Variants in PTPN5 observed in about 807,000 individuals in gnomAD.
PTPN5 encodes the protein tyrosine-protein phosphatase non-receptor type 5.
Under a neutral mutation model 73.9 loss-of-function variants are expected in PTPN5, and 29 were observed. The ratio of observed to expected loss-of-function variants is 0.39; its 90% CI spans 0.29 to 0.54. The LOEUF (loss-of-function observed/expected upper bound fraction) is 0.54. Among genes scored for constraint, PTPN5 ranks in the 20% least tolerant of loss-of-function variants. The probability of loss-of-function intolerance (pLI) is 0.65; values close to 1 mark genes in which losing one functional copy is unlikely to be tolerated. For missense variants in PTPN5, 652 were observed against 751.4 expected (o/e 0.87, Z 1.55); for synonymous variants, 267 against 304.7 (o/e 0.88, Z 1.29).
At chr11:18,751,742 C>T (rs1057006869) in intron 3 of PTPN5, among the ~76,000 whole-genome samples, 9 of 152,232 alleles carry the variant, frequency 5.9e-5, no homozygotes, top group African/African-American at 2.2e-4. Flanking sequence ...GTGCTCACCA[C>T]TTATCAGCTA....
intron 1 of PTPN5, among the ~76,000 whole-genome samples, chr11:18,786,195 G>T (rs534719065): frequency 0.013 from 1,510 of 113,790 alleles, 23 homozygotes; most frequent in African/African-American, 0.047. Context: ...AGAATGGGGG[G>T]AATCTATTTT....
At chr11:18,748,867 C>G (rs1160938568) in intron 3 of PTPN5, among the ~76,000 whole-genome samples, 1 of 152,190 alleles carries the variant, frequency 6.6e-6, no homozygotes, top group Admixed American at 6.5e-5. Context: ...ACGGGCTAGG[C>G]TCTGGGGACA....
chr11:18,768,041 C>A (rs1407687001), intron 2 of PTPN5, among the ~76,000 whole-genome samples: 1 of 152,230 alleles, frequency 6.6e-6, no homozygotes, highest in Non-Finnish European at 1.5e-5. Flanking sequence ...AAGGCAGGGT[C>A]CACTATTTCT....
At chr11:18,756,719 G>A (rs1480009644) in intron 3 of PTPN5, among the ~76,000 whole-genome samples, 1 of 151,742 alleles carries the variant, frequency 6.6e-6, no homozygotes, top group Non-Finnish European at 1.5e-5. Flanking sequence ...TCAGGAGATC[G>A]AGACCACCCC....
intron 3 of PTPN5, among the ~76,000 whole-genome samples, chr11:18,754,106 C>A (rs1292915305): frequency 6.6e-6 from 1 of 152,170 alleles, no homozygotes; most frequent in African/African-American, 2.4e-5. Context: ...CTGGAGATAA[C>A]AGGACCATGC....
chr11:18,766,003 C>T, intron 2 of PTPN5, 120 bp from the exon 3 acceptor site: 2 of 765,888 alleles, frequency 2.6e-6, no homozygotes, highest in Admixed American at 2.1e-5. Context: ...AACCCCACCC[C>T]ATCAAAGGGA....
chr11:18,756,748 C>A (rs182789672), intron 3 of PTPN5, among the ~76,000 whole-genome samples: 2 of 151,910 alleles, frequency 1.3e-5, no homozygotes, highest in East Asian at 3.9e-4. Flanking sequence ...CGGTGAAACC[C>A]CGTCTCTACT....
intron 8 of PTPN5, among the ~76,000 whole-genome samples, chr11:18,739,552 C>T (rs1008618359): frequency 2.6e-5 from 4 of 152,120 alleles, no homozygotes; most frequent in Non-Finnish European, 5.9e-5. Context: ...GCAGGTGGTA[C>T]CAAGTTCTGG....
intron 3 of PTPN5, among the ~76,000 whole-genome samples, chr11:18,745,323 G>A (rs559593303): frequency 2.0e-5 from 3 of 152,246 alleles, no homozygotes; most frequent in South Asian, 2.1e-4. Flanking sequence ...TGAGCTGCTC[G>A]CTCACTTGAC....
At chr11:18,775,571 A>G (rs534102298) in intron 1 of PTPN5, among the ~76,000 whole-genome samples, 4 of 152,266 alleles carry the variant, frequency 2.6e-5, no homozygotes, top group African/African-American at 4.8e-5. Context: ...GCTAGCTTGC[A>G]TGGGGAGTTT....
rs745842077 is a variant in PTPN5, at chr11:18,737,914, C to A, written c.966G>T (p.Leu322=). The A allele has an allele frequency of 1.2e-6, 2 of 1,614,180 alleles. No homozygotes were observed. The highest frequency in any genetic ancestry group is 1.1e-5 in the South Asian group (1 of 91,082). Residue 322 remains leucine, a synonymous_variant, in exon 9 of 15, where the codon CTG becomes CTT. Coordinates refer to ENST00000358540, the MANE Select transcript of PTPN5 (RefSeq NM_006906.2). The part of the protein sequence containing the change: ...VDPKEYDIPG[L]VRKNRYKTIL... ...TGGTTTTGTACCGGTTCTTCCGCAC[C>A]AGCCCAGGGATGTCGTACTCTTTCG...
At chr11:18,771,651 T>C (rs1013476710) in intron 2 of PTPN5, among the ~76,000 whole-genome samples, 1 of 152,088 alleles carries the variant, frequency 6.6e-6, no homozygotes, top group East Asian at 1.9e-4. Context: ...AGTGGCAGGG[T>C]CTCAGGGTTG....
intron 3 of PTPN5, among the ~76,000 whole-genome samples, chr11:18,761,036 T>G (rs777829697): frequency 5.9e-5 from 9 of 152,218 alleles, no homozygotes; most frequent in Non-Finnish European, 1.2e-4. Context: ...GGGTGGAGTG[T>G]GGACCAAGCT....
At chr11:18,747,060 C>T (rs1849675240) in intron 3 of PTPN5, among the ~76,000 whole-genome samples, 1 of 152,166 alleles carries the variant, frequency 6.6e-6, no homozygotes, top group Non-Finnish European at 1.5e-5. Flanking sequence ...AGGGCTTGAA[C>T]TAGAATTCAG....
rs1341324921 is a variant in PTPN5, at chr11:18,729,932, G to T, written c.1330-114C>A. ...GAAGAACACAGGAAGAACACTGAGA[G>T]TGGGACCCCTTCACCCTTCCATCTA... On this transcript the variant is annotated intron_variant, in intron 12 of 14. Coordinates refer to ENST00000358540, the MANE Select transcript of PTPN5 (RefSeq NM_006906.2). This position sits in a 1 kb window ranked among gnomAD's most constrained non-coding sequence, Gnocchi z 5.2. The T allele has an allele frequency of 7.3e-6, 10 of 1,370,396 alleles. No individual in the cohort carries two copies. The highest frequency in any genetic ancestry group is 4.8e-5 in the South Asian group (4 of 82,982). The allele number at this position is 1,370,396 out of a possible 1,614,324, so 84.9% of individuals were successfully genotyped here.
rs545371074 is a variant in PTPN5, at chr11:18,749,099, T to C, written c.98-4900A>G. On this transcript the variant is annotated intron_variant, in intron 3 of 14. Coordinates refer to ENST00000358540, the MANE Select transcript of PTPN5 (RefSeq NM_006906.2). ...CATACGCAATTGCATTTGCTTCTTT[T>C]GACAGCCCTATGAGGTAGACACGAT... 8.3e-4 allele frequency among the ~76,000 whole-genome samples: 126 copies of C among 152,354 alleles called. 1 individual carries two copies. The South Asian group carries it at 8.9e-3, about 11-fold the overall frequency.
At chr11:18,761,899 C>T (rs140861949) in intron 3 of PTPN5, among the ~76,000 whole-genome samples, 63 of 152,274 alleles carry the variant, frequency 4.1e-4, no homozygotes, top group African/African-American at 1.3e-3. Context: ...GGTGTGCGTC[C>T]GCCCCTGCAG....
intron 9 of PTPN5, among the ~76,000 whole-genome samples, chr11:18,735,264 G>A (rs1849063660): frequency 6.6e-6 from 1 of 152,014 alleles, no homozygotes; most frequent in African/African-American, 2.4e-5. Context: ...GTTTTGGCAG[G>A]TGATTTGGGG....
chr11:18,750,596 T>A (rs955958239), intron 3 of PTPN5, among the ~76,000 whole-genome samples: 1 of 152,188 alleles, frequency 6.6e-6, no homozygotes, highest in Non-Finnish European at 1.5e-5. Flanking sequence ...TGGAGGGCGA[T>A]ATAGGAGCGG....
Sources: gnomAD v4.1 joint callset for allele counts (sites outside exome capture counted in the v4.1 genomes callset) on GRCh38, gnomAD v4.1.1 for gene constraint, Gnocchi (gnomAD v3.1) non-coding constraint, MANE v1.5 for transcripts, NCBI Gene and HGNC (gene_info 2026-07-23, HGNC 2026-07-21) for gene names.